MYBL2: variants seen among roughly 807,000 people sequenced by gnomAD.
The protein encoded by MYBL2 is myb-related protein B.
In MYBL2, 28 loss-of-function variants were observed where a neutral mutation model predicts 79.9. The ratio of observed to expected loss-of-function variants is 0.35; its 90% CI spans 0.26 to 0.48. MYBL2 has a LOEUF of 0.48. Among genes scored for constraint, MYBL2 ranks in the 20% least tolerant of loss-of-function variants. MYBL2 has a pLI of 0.99. For synonymous variants in MYBL2, 378 were observed against 361.2 expected, an observed-to-expected ratio of 1.05 and a Z score of -0.53; for missense variants, 735 against 893.9, an observed-to-expected ratio of 0.82 and a Z score of 2.27.
rs185129317 is a variant in MYBL2, at chr20:43,696,263, G to A, written c.664-3494G>A. The stretch of plus-strand genomic sequence containing the variant: ...CTCAACTTTTTTTTTTTTTTGAGAC[G>A]GAGTTTTGCTCTTGTTGCCCAGGCT... On this transcript the variant is annotated intron_variant, in intron 6 of 13. Transcript: ENST00000217026. 1.3e-3 allele frequency among the ~76,000 whole-genome samples: 199 copies of A among 150,950 alleles called. 1 individual carries two copies. The highest frequency in any genetic ancestry group is 4.7e-3 in the African/African-American group (194 of 41,170).
chr20:43,670,959 TC>T (rs1568843590), intron 1 of MYBL2, among the ~76,000 whole-genome samples: 6 of 33,484 alleles, frequency 1.8e-4, no homozygotes, highest in African/African-American at 6.4e-4. Flanking sequence ...TCCTATGATT[TC>T]TTTTTTTTCT....
chr20:43,694,861 T>G (rs1162575459), intron 6 of MYBL2, among the ~76,000 whole-genome samples: 1 of 152,154 alleles, frequency 6.6e-6, no homozygotes, highest in Non-Finnish European at 1.5e-5. Flanking sequence ...AGCCGACTCA[T>G]AGAAGACTTT....
intron 6 of MYBL2, among the ~76,000 whole-genome samples, chr20:43,693,672 C>G (rs944786677): frequency 5.9e-5 from 9 of 152,122 alleles, no homozygotes; most frequent in Admixed American, 2.6e-4. Context: ...TCAGTATATA[C>G]TTATGTTAAC....
In MYBL2 at chr20:43,693,232, A is replaced by T. The variant is rs770314157; in HGVS notation, c.663+913A>T. Among the ~76,000 whole-genome samples the T allele has an allele frequency of 8.8e-4, 134 of 152,168 alleles. 2 individuals are homozygous for T. Among genetic ancestry groups the T allele is most frequent in the Non-Finnish European group, 4.1e-4 (28 of 68,034 alleles). Reference sequence around the variant, plus strand: ...TTTTTAGTAGAGATGGGGTTTCACCACGTTGGCCAGGCTGGGTTTGAATTC... The same window carrying T: ...TTTTTAGTAGAGATGGGGTTTCACCTCGTTGGCCAGGCTGGGTTTGAATTC... On this transcript the variant is annotated intron_variant, in intron 6 of 13. Coordinates refer to ENST00000217026, the MANE Select transcript of MYBL2 (RefSeq NM_002466.4).
chr20:43,702,979 A>C, intron 8 of MYBL2, 76 bp downstream of exon 8: 1 of 1,449,792 alleles, frequency 6.9e-7, no homozygotes, highest in Non-Finnish European at 9.3e-7. Flanking sequence ...AAGGGTGAGC[A>C]AAACGAGACC....
rs112749528 is a variant in MYBL2 at position 43,684,226 on chromosome 20, CT to C, written c.279+1353del. ...GTAGGTATGAGCCACCATTCCTGTTCTTTTTTTTTTTTTCCTTGTTAATTTT... is the reference window on the plus strand; with the variant it reads ...GTAGGTATGAGCCACCATTCCTGTTCTTTTTTTTTTTTCCTTGTTAATTTT... On this transcript the variant is annotated intron_variant, in intron 4 of 13. Transcript: ENST00000217026. Among the ~76,000 whole-genome samples the C allele has an allele frequency of 2.0e-3, 294 of 144,018 alleles. 1 individual carries two copies. The highest frequency in any genetic ancestry group is 0.012 in the East Asian group (61 of 4,920). The allele number at this position is 144,018 out of a possible 152,430, so 94.5% of individuals were successfully genotyped here. A position where few individuals can be genotyped will look rare whatever the true frequency, so the allele number is the denominator to read the frequency against.
chr20:43,697,373 G>T (rs1223861648), intron 6 of MYBL2, among the ~76,000 whole-genome samples: 2 of 152,164 alleles, frequency 1.3e-5, no homozygotes, highest in African/African-American at 4.8e-5. Flanking sequence ...ACTTTGGGAG[G>T]CTGAAGTGGG....
intron 1 of MYBL2, among the ~76,000 whole-genome samples, chr20:43,671,935 C>T (rs537447021): frequency 2.4e-4 from 37 of 151,234 alleles, no homozygotes; most frequent in African/African-American, 8.5e-4. Flanking sequence ...CTGGGCCGGG[C>T]GCGGTGGCTC....
intron 6 of MYBL2, among the ~76,000 whole-genome samples, chr20:43,697,467 C>T (rs539599078): frequency 4.8e-4 from 73 of 151,680 alleles, no homozygotes; most frequent in African/African-American, 1.6e-3. Context: ...AAAAATTAAC[C>T]GGGTGTGGTG....
At chr20:43,689,775 A>T (rs1288209102) in intron 5 of MYBL2, among the ~76,000 whole-genome samples, 2 of 152,134 alleles carry the variant, frequency 1.3e-5, no homozygotes, top group African/African-American at 2.4e-5. Flanking sequence ...TACCAGATGG[A>T]TCCCCAGTGC....
At chr20:43,686,751 C>A in intron 4 of MYBL2, 101 bp from the exon 5 acceptor site, 2 of 1,157,918 alleles carry the variant, frequency 1.7e-6, no homozygotes, top group Non-Finnish European at 2.5e-6. Flanking sequence ...TGGTAGGTGG[C>A]ACCTCTCAGG....
chr20:43,695,725 A>T (rs1244328659), intron 6 of MYBL2, among the ~76,000 whole-genome samples: 1 of 130,680 alleles, frequency 7.7e-6, no homozygotes, highest in Admixed American at 8.3e-5. Context: ...ACACACCTGT[A>T]GTTCCAACTA....
chr20:43,674,836 C>T (rs1275291981), intron 2 of MYBL2, among the ~76,000 whole-genome samples: 1 of 152,100 alleles, frequency 6.6e-6, no homozygotes, highest in African/African-American at 2.4e-5. Context: ...CCTGCCAACT[C>T]CCACTTTCTT....
rs147096960 is a variant in MYBL2 at position 43,679,325 on chromosome 20, G to A, written c.115-2459G>A. Reference sequence around the variant, plus strand: ...TATACATATATACACATATAAATTTGTATGTGTGACAAAACCACCTCACTT... The same window carrying A: ...TATACATATATACACATATAAATTTATATGTGTGACAAAACCACCTCACTT... On this transcript the variant is annotated intron_variant, in intron 2 of 13. Transcript: ENST00000217026. Among the ~76,000 whole-genome samples the A allele has an allele frequency of 7.7e-3, 1,167 of 152,272 alleles. 18 individuals carry two copies. The highest frequency in any genetic ancestry group is 0.026 in the African/African-American group (1,086 of 41,544).
intron 5 of MYBL2, among the ~76,000 whole-genome samples, chr20:43,691,197 A>G (rs535672720): frequency 3.3e-5 from 5 of 152,340 alleles, no homozygotes; most frequent in Admixed American, 3.3e-4. Context: ...CGTGAGACTC[A>G]GTGGAAATGA....
chr20:43,691,211 G>T (rs1016042727), intron 5 of MYBL2, among the ~76,000 whole-genome samples: 3 of 152,232 alleles, frequency 2.0e-5, no homozygotes, highest in African/African-American at 4.8e-5. Flanking sequence ...GAAATGAGCA[G>T]ACAGTGTTGC....
At chr20:43,708,627 G>C (rs1568878061) in intron 9 of MYBL2, among the ~76,000 whole-genome samples, 1 of 152,000 alleles carries the variant, frequency 6.6e-6, no homozygotes. Flanking sequence ...TGGAGTCTGT[G>C]TTACCCAGAC....
intron 8 of MYBL2, among the ~76,000 whole-genome samples, chr20:43,704,341 C>T (rs1331517956): frequency 1.3e-5 from 2 of 152,180 alleles, no homozygotes; most frequent in Non-Finnish European, 2.9e-5. Context: ...AAGGCCCTAT[C>T]TCCAAGTATT....
chr20:43,706,733 T>TTTTTTTTTTTTTTTTTA (rs1987793274), intron 9 of MYBL2, among the ~76,000 whole-genome samples: 1 of 136,982 alleles, frequency 7.3e-6, no homozygotes, highest in Admixed American at 7.5e-5. Context: ...TTTTTTTTTT[T>TTTTTTTTTTTTTTTTTA]GAGATGGAGT....
Sources: gnomAD v4.1 joint callset for allele counts (sites outside exome capture counted in the v4.1 genomes callset) on GRCh38, gnomAD v4.1.1 for gene constraint, MANE v1.5 for transcripts, NCBI Gene and HGNC (gene_info 2026-07-23, HGNC 2026-07-21) for gene names.